ACTR3C: variants seen among roughly 807,000 people sequenced by gnomAD.
ACTR3C encodes actin related protein 3C, also known as actin-related protein 3C.
Under a neutral mutation model 26.3 loss-of-function variants are expected in ACTR3C, and 18 were observed. The observed-to-expected ratio is 0.68, with a 90% confidence interval of 0.47 to 1.01. The LOEUF is 1.01. ACTR3C is among the 50% of genes least tolerant of loss of function. The pLI is 0.00. For synonymous variants in ACTR3C, 55 were observed against 94.5 expected, an observed-to-expected ratio of 0.58 and a Z score of 2.42; for missense variants, 184 against 250.7, an observed-to-expected ratio of 0.73 and a Z score of 1.80.
At chr7:150,231,711 C>T in the ACTR3C span, among the ~76,000 whole-genome samples, 2 of 151,758 alleles carry the variant, frequency 1.3e-5, no homozygotes, top group African/African-American at 2.4e-5. Flanking sequence ...TAGTTTAATT[C>T]CACTGTGACC....
chr7:149,952,731 C>T, the ACTR3C span, among the ~76,000 whole-genome samples: 3 of 151,256 alleles, frequency 2.0e-5, no homozygotes, highest in African/African-American at 7.4e-5. Context: ...AAAATTCAAC[C>T]TTACTAAGTA....
chr7:150,190,134 G>C, the ACTR3C span, among the ~76,000 whole-genome samples: 1 of 152,168 alleles, frequency 6.6e-6, no homozygotes, highest in Non-Finnish European at 1.5e-5. Context: ...CATTGTGGTT[G>C]GAAGTTTTGC....
the ACTR3C span, among the ~76,000 whole-genome samples, chr7:150,029,410 A>C: frequency 4.1e-5 from 4 of 97,254 alleles, no homozygotes; most frequent in East Asian, 2.5e-4. Flanking sequence ...AAACAAAAAA[A>C]AAAAAAACAA....
At chr7:150,011,993 G>A in the ACTR3C span, among the ~76,000 whole-genome samples, 2 of 152,204 alleles carry the variant, frequency 1.3e-5, no homozygotes, top group African/African-American at 4.8e-5. Flanking sequence ...AGAGTTTTCA[G>A]TTCAGATGAG....
chr7:150,201,675 T>C, the ACTR3C span, among the ~76,000 whole-genome samples: 1 of 151,776 alleles, frequency 6.6e-6, no homozygotes, highest in Admixed American at 6.6e-5. Context: ...GGAGAATCAC[T>C]TGAACCTGGG....
chr7:150,250,690 A>G (rs1270587790), intron 6 of ACTR3C, among the ~76,000 whole-genome samples: 51 of 151,002 alleles, frequency 3.4e-4, no homozygotes, highest in African/African-American at 1.0e-3. Context: ...GGAAATCTTG[A>G]TGGTGGAAAA....
chr7:150,176,228 A>G, the ACTR3C span, among the ~76,000 whole-genome samples: 1 of 150,894 alleles, frequency 6.6e-6, no homozygotes, highest in Admixed American at 6.6e-5. Flanking sequence ...CCACTATATC[A>G]TGAAAAGTCA....
At chr7:150,221,230 T>C in the ACTR3C span, among the ~76,000 whole-genome samples, 1 of 152,252 alleles carries the variant, frequency 6.6e-6, no homozygotes, top group Non-Finnish European at 1.5e-5. Context: ...AGTACATCCA[T>C]TCCTTTCTGC....
the ACTR3C span, among the ~76,000 whole-genome samples, chr7:150,094,870 G>C: frequency 2.0e-5 from 3 of 150,338 alleles, no homozygotes; most frequent in African/African-American, 7.5e-5. Flanking sequence ...CGTCCAACCG[G>C]AAGGTGAAGT....
At chr7:150,296,966 C>T (rs1238686842) in intron 1 of ACTR3C, among the ~76,000 whole-genome samples, 3 of 151,760 alleles carry the variant, frequency 2.0e-5, no homozygotes, top group East Asian at 1.9e-4. Flanking sequence ...GACGGCACCT[C>T]GACCTTGGAC....
chr7:150,191,754 A>T, the ACTR3C span, among the ~76,000 whole-genome samples: 1 of 152,204 alleles, frequency 6.6e-6, no homozygotes, highest in East Asian at 1.9e-4. Flanking sequence ...AAATACTATT[A>T]ATAAATAATT....
At chr7:150,136,815 C>G in the ACTR3C span, among the ~76,000 whole-genome samples, 1 of 152,214 alleles carries the variant, frequency 6.6e-6, no homozygotes, top group African/African-American at 2.4e-5. Flanking sequence ...AGAGCTCAAC[C>G]AGGCCTCGTG....
chr7:150,010,913 GC>G, the ACTR3C span, among the ~76,000 whole-genome samples: 343 of 147,312 alleles, frequency 2.3e-3, 2 homozygotes, highest in African/African-American at 8.5e-3. Context: ...TCCTGCTGCT[GC>G]CACTTTCTTT....
At chr7:150,255,450 C>T (rs1317887542) in intron 6 of ACTR3C, among the ~76,000 whole-genome samples, 1 of 151,984 alleles carries the variant, frequency 6.6e-6, no homozygotes, top group Non-Finnish European at 1.5e-5. Flanking sequence ...GTGGGGACTG[C>T]TGTGTATACC....
At chr7:150,316,597 T>C (rs943400967) in intron 1 of ACTR3C, among the ~76,000 whole-genome samples, 4 of 151,042 alleles carry the variant, frequency 2.6e-5, no homozygotes, top group African/African-American at 9.7e-5. Context: ...GCGATTCTCC[T>C]GCCTCAGCCT....
chr7:150,204,760 C>T, the ACTR3C span, among the ~76,000 whole-genome samples: 1 of 150,644 alleles, frequency 6.6e-6, no homozygotes, highest in African/African-American at 2.4e-5. Context: ...CCAGGGAGGA[C>T]CAGCGAGTGC....
chr7:150,023,306 G>C, the ACTR3C span, among the ~76,000 whole-genome samples: 19,017 of 45,070 alleles, frequency 0.42, 2,099 homozygotes, highest in Middle Eastern at 0.51. Context: ...TAGATAGATA[G>C]ATAGATAGAT....
At chr7:150,204,986 C>T in the ACTR3C span, among the ~76,000 whole-genome samples, 6 of 152,322 alleles carry the variant, frequency 3.9e-5, no homozygotes, top group South Asian at 4.2e-4. Flanking sequence ...GACCCACAGC[C>T]GCTCAAGCTC....
chr7:150,012,202 C>CT, the ACTR3C span, among the ~76,000 whole-genome samples: 6 of 150,272 alleles, frequency 4.0e-5, no homozygotes, highest in South Asian at 6.3e-4. Flanking sequence ...TAAAGAAGCT[C>CT]TTTTTTTTTC....
Sources: allele counts gnomAD v4.1 joint callset (sites outside exome capture counted in the v4.1 genomes callset), GRCh38; gene constraint gnomAD v4.1.1; transcripts MANE v1.5; gene names NCBI Gene and HGNC (gene_info 2026-07-23, HGNC 2026-07-21).